Variants in SH3RF3 observed in about 807,000 individuals in gnomAD.
The protein encoded by SH3RF3 is SH3 domain containing ring finger 3.
In SH3RF3, 29 loss-of-function variants were observed where a neutral mutation model predicts 66.3. That is an observed-to-expected ratio of 0.44 (90% CI 0.33 to 0.60). The LOEUF is 0.60. Among genes scored for constraint, SH3RF3 ranks in the 20% least tolerant of loss-of-function variants. SH3RF3 has a pLI of 0.04. For missense variants in SH3RF3, 1,194 were observed against 1,190.9 expected, an observed-to-expected ratio of 1.00 and a Z score of -0.04; for synonymous variants, 583 against 532.0, an observed-to-expected ratio of 1.10 and a Z score of -1.32.
At chr2:109,271,345 GA>G (rs1340341823) in intron 1 of SH3RF3, among the ~76,000 whole-genome samples, 2 of 152,196 alleles carry the variant, frequency 1.3e-5, no homozygotes, top group African/African-American at 4.8e-5. Flanking sequence ...CTCCCAGGAG[GA>G]ACCTAGAGGG....
chr2:109,447,051 C>T (rs995653662), intron 7 of SH3RF3, among the ~76,000 whole-genome samples: 5 of 149,068 alleles, frequency 3.4e-5, no homozygotes, highest in East Asian at 4.0e-4. Flanking sequence ...CCTGGATCTG[C>T]GTGATTGCCT....
intron 2 of SH3RF3, among the ~76,000 whole-genome samples, chr2:109,364,419 T>C (rs994664952): frequency 7.9e-5 from 12 of 152,238 alleles, no homozygotes; most frequent in Non-Finnish European, 1.6e-4. Context: ...TGAATCATAG[T>C]TGTTTTGTAT....
intron 3 of SH3RF3, among the ~76,000 whole-genome samples, chr2:109,394,666 T>G (rs1005548116): frequency 1.3e-5 from 2 of 152,234 alleles, no homozygotes; most frequent in African/African-American, 4.8e-5. Flanking sequence ...TGTGTGCACA[T>G]CTATGTAGGA....
intron 1 of SH3RF3, among the ~76,000 whole-genome samples, chr2:109,267,398 C>A (rs997535060): frequency 6.6e-6 from 1 of 152,138 alleles, no homozygotes; most frequent in African/African-American, 2.4e-5. Flanking sequence ...GCTGAGCTTG[C>A]CCGAAGAAAG....
chr2:109,247,393 T>G (rs1163690756), intron 1 of SH3RF3, among the ~76,000 whole-genome samples: 1 of 152,240 alleles, frequency 6.6e-6, no homozygotes, highest in Non-Finnish European at 1.5e-5. Context: ...CTAGCACACT[T>G]GTGTAAGACC....
chr2:109,179,743 A>G (rs923702277), intron 1 of SH3RF3, among the ~76,000 whole-genome samples: 41 of 152,146 alleles, frequency 2.7e-4, no homozygotes, highest in African/African-American at 9.2e-4. Context: ...AATTACCTCC[A>G]AAGACCCTGC....
intron 1 of SH3RF3, among the ~76,000 whole-genome samples, chr2:109,336,478 G>T (rs1682424302): frequency 6.6e-6 from 1 of 152,050 alleles, no homozygotes; most frequent in Non-Finnish European, 1.5e-5. Flanking sequence ...GTCCTGGTGT[G>T]CCCACGGCTA....
chr2:109,460,045 G>A (rs1445973835), intron 8 of SH3RF3, among the ~76,000 whole-genome samples: 5 of 152,212 alleles, frequency 3.3e-5, no homozygotes, highest in East Asian at 1.9e-4. Flanking sequence ...TCTACATTCT[G>A]TCAAGCCAGC....
chr2:109,328,446 A>G (rs889978102), intron 1 of SH3RF3, among the ~76,000 whole-genome samples: 8 of 152,196 alleles, frequency 5.3e-5, no homozygotes, highest in Admixed American at 2.6e-4. Context: ...CTGCTCCTCC[A>G]TTCCCTGTAT....
chr2:109,290,438 A>C (rs1267559014), intron 1 of SH3RF3, among the ~76,000 whole-genome samples: 1 of 152,188 alleles, frequency 6.6e-6, no homozygotes. Context: ...ACATATATGC[A>C]TGCACCAGAT....
intron 1 of SH3RF3, among the ~76,000 whole-genome samples, chr2:109,174,775 G>A (rs1237885405): frequency 1.3e-5 from 2 of 152,208 alleles, no homozygotes; most frequent in Non-Finnish European, 2.9e-5. Flanking sequence ...TGGCTCACTC[G>A]CTGGAGCCCT....
intron 3 of SH3RF3, among the ~76,000 whole-genome samples, chr2:109,389,876 GGGCC>G (rs1261201032): frequency 6.6e-6 from 1 of 152,168 alleles, no homozygotes; most frequent in Non-Finnish European, 1.5e-5. Flanking sequence ...GGCTGTGGCT[GGGCC>G]GGCCCTGGGA....
rs187863350 is a variant in SH3RF3 at position 109,291,141 on chromosome 2, G to T, written c.574-56533G>T. Reference sequence around the variant, plus strand: ...CAGCTGAAATGGACCCTGATTTGGGGCACTTGTCTCATGAACGTGGGGAGA... The same window carrying T: ...CAGCTGAAATGGACCCTGATTTGGGTCACTTGTCTCATGAACGTGGGGAGA... On this transcript the variant is annotated intron_variant, in intron 1 of 9. Coordinates refer to ENST00000309415, the MANE Select transcript of SH3RF3 (RefSeq NM_001099289.3). Among the ~76,000 whole-genome samples the T allele has an allele frequency of 4.3e-3, 660 of 152,338 alleles. 7 individuals carry two copies. Among genetic ancestry groups the T allele is most frequent in the South Asian group, 0.021 (99 of 4,826 alleles).
At chr2:109,464,239 A>T (rs890436776) in intron 8 of SH3RF3, among the ~76,000 whole-genome samples, 1 of 151,896 alleles carries the variant, frequency 6.6e-6, no homozygotes, top group Non-Finnish European at 1.5e-5. Context: ...AAATCTACAG[A>T]GTCTACACAC....
In SH3RF3 at chr2:109,207,823, A is replaced by T. The variant is rs182518235; in HGVS notation, c.573+77710A>T. 2.8e-3 allele frequency among the ~76,000 whole-genome samples: 420 copies of T among 152,102 alleles called. 9 individuals are homozygous for T. In the East Asian group the frequency reaches 0.043, roughly 16 times the overall value. On this transcript the variant is annotated intron_variant, in intron 1 of 9. Coordinates refer to ENST00000309415, the MANE Select transcript of SH3RF3 (RefSeq NM_001099289.3). ...TTTAAATGGCACAATTTTCTTTTTT[A>T]AAAAAAATTAAACTATACCTCATAT...
intron 1 of SH3RF3, among the ~76,000 whole-genome samples, chr2:109,293,367 C>G (rs1681231606): frequency 6.6e-6 from 1 of 152,230 alleles, no homozygotes. Context: ...CCAGAAAAAT[C>G]TGGGAAAGGG....
chr2:109,365,735 G>GT (rs962746579), intron 2 of SH3RF3, among the ~76,000 whole-genome samples: 2 of 152,032 alleles, frequency 1.3e-5, no homozygotes, highest in African/African-American at 4.8e-5. Context: ...ATGTTATTTA[G>GT]TTTTTTTGCC....
chr2:109,489,560 C>G (rs935608480), intron 8 of SH3RF3, among the ~76,000 whole-genome samples: 9 of 152,174 alleles, frequency 5.9e-5, no homozygotes, highest in Non-Finnish European at 1.2e-4. Flanking sequence ...ATGACGTTGC[C>G]AGGCTTGGCC....
intron 8 of SH3RF3, among the ~76,000 whole-genome samples, chr2:109,479,058 T>A (rs1678763984): frequency 6.6e-6 from 1 of 152,192 alleles, no homozygotes; most frequent in African/African-American, 2.4e-5. Context: ...TGGTGTTGAC[T>A]GCTGGCTGGA....
Sources: gnomAD v4.1 joint callset for allele counts (sites outside exome capture counted in the v4.1 genomes callset) on GRCh38, gnomAD v4.1.1 for gene constraint, MANE v1.5 for transcripts, NCBI Gene and HGNC (gene_info 2026-07-23, HGNC 2026-07-21) for gene names.